Variants in PIGL observed in about 807,000 individuals in gnomAD.
PIGL encodes N-acetylglucosaminyl-phosphatidylinositol de-N-acetylase.
PIGL carries 22 observed loss-of-function variants against 31.1 expected under a neutral mutation model. The ratio of observed to expected loss-of-function variants is 0.71; its 90% confidence interval spans 0.51 to 1.01. The LOEUF (loss-of-function observed/expected upper bound fraction) is 1.01. Among genes scored for constraint, PIGL ranks in the 50% least tolerant of loss-of-function variants. PIGL has a pLI of 0.00. For missense variants in PIGL, 302 were observed against 315.9 expected, an observed-to-expected ratio of 0.96 and a Z score of 0.33; for synonymous variants, 131 against 117.4, an observed-to-expected ratio of 1.12 and a Z score of -0.75.
intron 3 of PIGL, among the ~76,000 whole-genome samples, chr17:16,310,607 G>T (rs2093045060): frequency 6.6e-6 from 1 of 151,982 alleles, no homozygotes; most frequent in African/African-American, 2.4e-5. Flanking sequence ...CGTGATATTG[G>T]CTCACTGCAA....
intron 2 of PIGL, among the ~76,000 whole-genome samples, chr17:16,240,471 C>T (rs1429120007): frequency 1.3e-5 from 2 of 152,026 alleles, no homozygotes; most frequent in East Asian, 1.9e-4. Flanking sequence ...AGCCACCACG[C>T]GCAGCCCCAG....
chr17:16,294,108 T>G (rs1024821962), intron 2 of PIGL, among the ~76,000 whole-genome samples: 11 of 152,160 alleles, frequency 7.2e-5, no homozygotes, highest in Admixed American at 4.6e-4. Context: ...CACCCCCTGA[T>G]AGTGGGTGAG....
intron 1 of PIGL, among the ~76,000 whole-genome samples, chr17:16,228,739 T>C (rs909071021): frequency 6.6e-6 from 1 of 152,214 alleles, no homozygotes; most frequent in African/African-American, 2.4e-5. Context: ...ACTTTCATAG[T>C]ATTATGTAAC....
At chr17:16,242,062 TTTTG>T (rs1568789579) in intron 2 of PIGL, among the ~76,000 whole-genome samples, 1 of 152,120 alleles carries the variant, frequency 6.6e-6, no homozygotes, top group Non-Finnish European at 1.5e-5. Flanking sequence ...TGGGGTTTTT[TTTTG>T]TTTGTTTTTG....
At chr17:16,286,129 G>C (rs1297181029) in intron 2 of PIGL, among the ~76,000 whole-genome samples, 1 of 152,220 alleles carries the variant, frequency 6.6e-6, no homozygotes, top group African/African-American at 2.4e-5. Context: ...GTGGGTGGAG[G>C]GGTGGCTGAA....
rs190567608 is a variant in PIGL, at chr17:16,243,004, A to G, written c.335+8934A>G. ...TTTATCCGTATTTATGATTTGATTG[A>G]CAACATATCCAGTGTTTAACCATTA... On this transcript the variant is annotated intron_variant, in intron 2 of 6. Transcript: ENST00000225609. Among the ~76,000 whole-genome samples, 10 of 152,328 alleles carry G rather than the reference A, an allele frequency of 6.6e-5. No individual in the cohort carries two copies. The East Asian group carries it at 1.9e-3, about 29-fold the overall frequency.
chr17:16,313,288 G>A (rs1180727320), intron 3 of PIGL, among the ~76,000 whole-genome samples: 1 of 152,228 alleles, frequency 6.6e-6, no homozygotes, highest in Non-Finnish European at 1.5e-5. Flanking sequence ...CTGAACCCAA[G>A]TTACTATCAT....
At chr17:16,217,497 C>A in intron 1 of PIGL, 36 bp downstream of exon 1, 1 of 1,521,472 alleles carries the variant, frequency 6.6e-7, no homozygotes, top group Non-Finnish European at 9.1e-7. Context: ...GGAGCCGGGG[C>A]TTTGAAAGGG....
At chr17:16,320,516 A>T (rs2093100653) in intron 6 of PIGL, among the ~76,000 whole-genome samples, 1 of 142,732 alleles carries the variant, frequency 7.0e-6, no homozygotes, top group Non-Finnish European at 1.5e-5. Context: ...AGAGAGAGAG[A>T]GAAAGAAAAG....
chr17:16,281,091 A>C lies in PIGL; in HGVS notation c.336-18797A>C, dbSNP rs1600817301. On this transcript the variant is annotated intron_variant, in intron 2 of 6. Coordinates refer to ENST00000225609, the MANE Select transcript of PIGL (RefSeq NM_004278.4). The stretch of plus-strand genomic sequence containing the variant: ...ATGTATAAATATAAGCACTAAAATC[A>C]CATGAACATACATTCATTTGAAGTT... Among the ~76,000 whole-genome samples, 3 of 152,190 alleles carry C rather than the reference A, an allele frequency of 2.0e-5. No homozygotes were observed. In the East Asian group the frequency reaches 5.8e-4, roughly 29 times the overall value.
At chr17:16,239,691 A>G (rs2092714779) in intron 2 of PIGL, among the ~76,000 whole-genome samples, 1 of 152,168 alleles carries the variant, frequency 6.6e-6, no homozygotes. Context: ...TGAAGAGATC[A>G]AGATTGTAGA....
At chr17:16,251,154 G>A (rs544230310) in intron 2 of PIGL, among the ~76,000 whole-genome samples, 6 of 152,128 alleles carry the variant, frequency 3.9e-5, no homozygotes, top group African/African-American at 1.2e-4. Context: ...AGCTGGGCAC[G>A]GTGGCTTGTG....
intron 6 of PIGL, among the ~76,000 whole-genome samples, chr17:16,325,469 A>C (rs2093123795): frequency 6.6e-6 from 1 of 152,150 alleles, no homozygotes; most frequent in Non-Finnish European, 1.5e-5. Context: ...TTTTTTAAAA[A>C]ACAGTAATAA....
chr17:16,256,896 A>C (rs2092796117), intron 2 of PIGL, among the ~76,000 whole-genome samples: 1 of 151,052 alleles, frequency 6.6e-6, no homozygotes, highest in Admixed American at 6.6e-5. Flanking sequence ...CATGTTGCCT[A>C]GGCTGGTCTT....
At chr17:16,235,368 A>G (rs2092695140) in intron 2 of PIGL, among the ~76,000 whole-genome samples, 2 of 151,328 alleles carry the variant, frequency 1.3e-5, no homozygotes, top group Non-Finnish European at 2.9e-5. Flanking sequence ...GAAGAAACTG[A>G]ATTATGTTGT....
intron 2 of PIGL, among the ~76,000 whole-genome samples, chr17:16,235,308 G>C (rs184643599): frequency 1.3e-5 from 2 of 152,206 alleles, no homozygotes; most frequent in Admixed American, 1.3e-4. Context: ...ATTATAGTTG[G>C]TTGATATTCT....
chr17:16,277,428 AT>A (rs2092900442), intron 2 of PIGL, among the ~76,000 whole-genome samples: 1 of 152,236 alleles, frequency 6.6e-6, no homozygotes, highest in South Asian at 2.1e-4. Context: ...ACTTTACTCA[AT>A]TGTTAAAAGC....
intron 4 of PIGL, among the ~76,000 whole-genome samples, chr17:16,315,971 C>T (rs758228565): frequency 6.6e-6 from 1 of 152,114 alleles, no homozygotes. Flanking sequence ...GCTGGGTTTA[C>T]AGGCGTGAGC....
intron 2 of PIGL, among the ~76,000 whole-genome samples, chr17:16,271,036 C>T (rs974763846): frequency 2.1e-4 from 32 of 152,040 alleles, no homozygotes; most frequent in African/African-American, 7.5e-4. Flanking sequence ...TCAGTAATTC[C>T]TAAAGAAGTC....
Sources: gnomAD v4.1 joint callset for allele counts (sites outside exome capture counted in the v4.1 genomes callset) on GRCh38, gnomAD v4.1.1 for gene constraint, MANE v1.5 for transcripts, NCBI Gene and HGNC (gene_info 2026-07-23, HGNC 2026-07-21) for gene names.